Variants in PRKCE observed in about 807,000 individuals in gnomAD.
The protein encoded by PRKCE is protein kinase C epsilon, also known as protein kinase C epsilon type.
PRKCE carries 16 observed loss-of-function variants against 85.4 expected under a neutral mutation model. The ratio of observed to expected loss-of-function variants is 0.19; its 90% CI spans 0.13 to 0.28. The LOEUF is 0.28. PRKCE is among the 10% of genes least tolerant of loss of function. The pLI, the probability that PRKCE is intolerant of heterozygous loss-of-function variation, is 1.00. For missense variants in PRKCE, 573 were observed against 975.2 expected (o/e 0.59, Z 5.49); for synonymous variants, 388 against 371.5 (o/e 1.04, Z -0.51).
At chr2:45,862,795 T>TACATGCATGC (rs1693274290) in intron 2 of PRKCE, among the ~76,000 whole-genome samples, 1 of 152,204 alleles carries the variant, frequency 6.6e-6, no homozygotes, top group Non-Finnish European at 1.5e-5. Context: ...TGTGTGTACA[T>TACATGCATGC]ACATGCATGC....
At chr2:46,019,234 C>G (rs1706429161) in intron 10 of PRKCE, among the ~76,000 whole-genome samples, 2 of 152,308 alleles carry the variant, frequency 1.3e-5, no homozygotes, top group Non-Finnish European at 2.9e-5. Context: ...TTTGTACTTT[C>G]TCCCCATGCC....
intron 11 of PRKCE, among the ~76,000 whole-genome samples, chr2:46,128,010 C>CTGAGGTACGCCCTT (rs1394218432): frequency 2.6e-5 from 4 of 152,236 alleles, no homozygotes; most frequent in Non-Finnish European, 4.4e-5. Flanking sequence ...TGTTCACACA[C>CTGAGGTACGCCCTT]TGAGGTACGC....
intron 1 of PRKCE, among the ~76,000 whole-genome samples, chr2:45,811,386 A>G (rs1432324904): frequency 6.6e-6 from 1 of 152,120 alleles, no homozygotes; most frequent in African/African-American, 2.4e-5. Flanking sequence ...CATGCAGGAG[A>G]GTGTGTATAA....
At chr2:45,679,223 A>G (rs1026216325) in intron 1 of PRKCE, among the ~76,000 whole-genome samples, 3 of 152,228 alleles carry the variant, frequency 2.0e-5, no homozygotes, top group Non-Finnish European at 4.4e-5. Flanking sequence ...ACTTCCATGC[A>G]TAGTACTTTG....
chr2:45,997,428 T>A (rs1558938030), intron 6 of PRKCE, among the ~76,000 whole-genome samples: 1 of 152,120 alleles, frequency 6.6e-6, no homozygotes, highest in Non-Finnish European at 1.5e-5. Flanking sequence ...TATTGATTTT[T>A]AGAATGTTTT....
chr2:45,746,110 T>C (rs1257461122), intron 1 of PRKCE, among the ~76,000 whole-genome samples: 2 of 152,204 alleles, frequency 1.3e-5, no homozygotes, highest in East Asian at 1.9e-4. Flanking sequence ...CTTCCCCTCC[T>C]TTTCCCTGCC....
chr2:46,040,619 T>A (rs1484303534), intron 10 of PRKCE, among the ~76,000 whole-genome samples: 1 of 152,170 alleles, frequency 6.6e-6, no homozygotes, highest in Non-Finnish European at 1.5e-5. Flanking sequence ...AGACCTCTTG[T>A]ACTGTAGATT....
chr2:45,692,381 C>T (rs1166278267), intron 1 of PRKCE, among the ~76,000 whole-genome samples: 1 of 152,100 alleles, frequency 6.6e-6, no homozygotes, highest in Non-Finnish European at 1.5e-5. Context: ...CTTGTGTTAG[C>T]ACCGCTCTGC....
intron 2 of PRKCE, among the ~76,000 whole-genome samples, chr2:45,910,821 G>A (rs529995583): frequency 2.0e-5 from 3 of 152,280 alleles, no homozygotes; most frequent in South Asian, 2.1e-4. Context: ...GGCAGGGGGC[G>A]GTGAGCAGTC....
intron 2 of PRKCE, among the ~76,000 whole-genome samples, chr2:45,944,655 ATT>A (rs71394861): frequency 2.1e-4 from 16 of 75,626 alleles, no homozygotes; most frequent in Non-Finnish European, 2.8e-4. Flanking sequence ...TACCCGGCTA[ATT>A]TTTTTTTTTT....
chr2:46,151,280 T>TACACACACACACAC (rs35676949), intron 13 of PRKCE, 51 bp downstream of exon 13: 22 of 559,068 alleles, frequency 3.9e-5, no homozygotes, highest in African/African-American at 1.8e-4. Flanking sequence ...CTCCTCCCCC[T>TACACACACACACAC]ACACACACAC....
intron 12 of PRKCE, among the ~76,000 whole-genome samples, chr2:46,149,383 A>G (rs1186769275): frequency 2.6e-5 from 4 of 151,994 alleles, no homozygotes; most frequent in African/African-American, 9.7e-5. Flanking sequence ...CCCTTTTTAA[A>G]ATTCTTTATA....
Position 45,762,298 on chromosome 2 carries a change from C to T in PRKCE, c.349-80702C>T, listed in dbSNP as rs575580747. Among the ~76,000 whole-genome samples the T allele has an allele frequency of 7.2e-5, 11 of 152,132 alleles. 1 individual carries two copies. The highest frequency in any genetic ancestry group is 1.4e-4 in the African/African-American group (6 of 41,422). Reference sequence around the variant, plus strand: ...TTGTGTATCTGGGGATGTTGCCCAGCGGGTCTCACTATGCTGGGAAAACTG... The same window carrying T: ...TTGTGTATCTGGGGATGTTGCCCAGTGGGTCTCACTATGCTGGGAAAACTG... On this transcript the variant is annotated intron_variant, in intron 1 of 14. Transcript: ENST00000306156.
intron 1 of PRKCE, among the ~76,000 whole-genome samples, chr2:45,661,255 T>C (rs1292619120): frequency 6.6e-6 from 1 of 152,080 alleles, no homozygotes; most frequent in Non-Finnish European, 1.5e-5. Context: ...TGATATCGGA[T>C]CACTGCAACC....
chr2:46,072,969 A>C (rs1000762931), intron 10 of PRKCE, among the ~76,000 whole-genome samples: 10 of 152,230 alleles, frequency 6.6e-5, no homozygotes, highest in Admixed American at 2.0e-4. Context: ...AACCCCACTC[A>C]TCAGTAGGAA....
At chr2:45,805,246 C>G (rs1339650488) in intron 1 of PRKCE, among the ~76,000 whole-genome samples, 1 of 152,034 alleles carries the variant, frequency 6.6e-6, no homozygotes, top group African/African-American at 2.4e-5. Context: ...AATAACTTGC[C>G]CAAGATTGTA....
chr2:46,175,842 T>G (rs1296909864), intron 14 of PRKCE, among the ~76,000 whole-genome samples: 2 of 151,858 alleles, frequency 1.3e-5, no homozygotes, highest in Admixed American at 6.6e-5. Flanking sequence ...AGTATGGTCT[T>G]AGGCTCCTGA....
chr2:45,749,237 A>G (rs1037296079), intron 1 of PRKCE, among the ~76,000 whole-genome samples: 1 of 152,236 alleles, frequency 6.6e-6, no homozygotes, highest in Non-Finnish European at 1.5e-5. Flanking sequence ...CTGATCCACC[A>G]TGGGTATGTG....
intron 6 of PRKCE, among the ~76,000 whole-genome samples, chr2:45,995,844 G>T (rs1704169556): frequency 6.6e-6 from 1 of 152,006 alleles, no homozygotes; most frequent in Non-Finnish European, 1.5e-5. Flanking sequence ...TGGGTCTTTT[G>T]CCTGGGTCTT....
Sources: gnomAD v4.1 joint callset for allele counts (sites outside exome capture counted in the v4.1 genomes callset) on GRCh38, gnomAD v4.1.1 for gene constraint, MANE v1.5 for transcripts, NCBI Gene and HGNC (gene_info 2026-07-23, HGNC 2026-07-21) for gene names.